Variants in NBEA observed in about 807,000 individuals in gnomAD.
NBEA encodes neurobeachin, also known as lysosomal-trafficking regulator 2.
NBEA carries 44 observed loss-of-function variants against 343.4 expected under a neutral mutation model. That is an observed-to-expected ratio of 0.13 (90% CI 0.10 to 0.16). NBEA has a LOEUF of 0.16. Among genes scored for constraint, NBEA ranks in the 10% least tolerant of loss-of-function variants. The pLI, the probability that NBEA is intolerant of heterozygous loss-of-function variation, is 1.00. For missense variants in NBEA, 2,555 were observed against 3,631.3 expected (o/e 0.70, Z 7.62); for synonymous variants, 1,175 against 1,238.7 (o/e 0.95, Z 1.08).
chr13:35,202,987 C>A (rs117622499), intron 31 of NBEA, among the ~76,000 whole-genome samples: 4,534 of 152,138 alleles, frequency 0.03, 99 homozygotes, highest in Non-Finnish European at 0.045. Context: ...AAATTTGAAT[C>A]ACTTCTCACC....
chr13:35,316,658 G>C (rs1462399232), intron 36 of NBEA, among the ~76,000 whole-genome samples: 2 of 152,032 alleles, frequency 1.3e-5, no homozygotes, highest in African/African-American at 2.4e-5. Flanking sequence ...GGTATTTCTG[G>C]TTCTAGATCC....
intron 1 of NBEA, among the ~76,000 whole-genome samples, chr13:34,992,295 C>T (rs1450141185): frequency 6.8e-6 from 1 of 147,084 alleles, no homozygotes; most frequent in Non-Finnish European, 1.5e-5. Context: ...AGCTCTGTCA[C>T]CCAGGCTGGA....
At chr13:35,252,416 A>G (rs888981694) in intron 34 of NBEA, among the ~76,000 whole-genome samples, 5 of 152,192 alleles carry the variant, frequency 3.3e-5, no homozygotes, top group Admixed American at 1.3e-4. Flanking sequence ...AAGCCTAACC[A>G]TATCAACTCC....
chr13:35,220,453 A>G (rs1234100297), intron 33 of NBEA, among the ~76,000 whole-genome samples: 2 of 152,156 alleles, frequency 1.3e-5, no homozygotes, highest in Non-Finnish European at 2.9e-5. Flanking sequence ...ATCCACCTCG[A>G]TGTTTGAAAG....
intron 45 of NBEA, among the ~76,000 whole-genome samples, chr13:35,578,609 T>C (rs1414189699): frequency 1.3e-5 from 2 of 152,216 alleles, no homozygotes; most frequent in Admixed American, 6.5e-5. Context: ...ATTAGGTTCG[T>C]ATTGAATGCC....
intron 44 of NBEA, among the ~76,000 whole-genome samples, chr13:35,563,590 T>C (rs1044057449): frequency 6.6e-6 from 1 of 151,904 alleles, no homozygotes; most frequent in Non-Finnish European, 1.5e-5. Flanking sequence ...AAATTTTTAT[T>C]AAAAACAAGC....
intron 1 of NBEA, among the ~76,000 whole-genome samples, chr13:35,020,670 A>G (rs1481069400): frequency 6.6e-6 from 1 of 152,130 alleles, no homozygotes; most frequent in East Asian, 1.9e-4. Flanking sequence ...GCTGCGTGCC[A>G]CCACACCCAG....
intron 44 of NBEA, among the ~76,000 whole-genome samples, chr13:35,565,683 A>T (rs28430394): frequency 0.026 from 3,973 of 152,242 alleles, 173 homozygotes; most frequent in African/African-American, 0.09. Flanking sequence ...TTTAATAGCT[A>T]TTCTCTTAAT....
At chr13:35,477,794 G>T (rs1177632176) in intron 41 of NBEA, among the ~76,000 whole-genome samples, 2 of 151,664 alleles carry the variant, frequency 1.3e-5, no homozygotes, top group Non-Finnish European at 2.9e-5. Flanking sequence ...GCAGTTATCT[G>T]GGGGGTTTTT....
intron 47 of NBEA, among the ~76,000 whole-genome samples, chr13:35,601,761 CAAAAAAAAAA>C (rs869213180): frequency 2.6e-5 from 3 of 114,932 alleles, no homozygotes; most frequent in African/African-American, 1.1e-4. Flanking sequence ...GACTCCATCG[CAAAAAAAAAA>C]AAAAAAAAAA....
intron 30 of NBEA, among the ~76,000 whole-genome samples, chr13:35,195,472 C>G (rs1455383027): frequency 6.6e-6 from 1 of 151,406 alleles, no homozygotes; most frequent in Non-Finnish European, 1.5e-5. Context: ...GATTTCAGTT[C>G]ACTGCAACAT....
At chr13:35,365,747 A>G (rs1594365641) in intron 38 of NBEA, among the ~76,000 whole-genome samples, 1 of 151,878 alleles carries the variant, frequency 6.6e-6, no homozygotes, top group Admixed American at 6.6e-5. Flanking sequence ...ATGTAAATAT[A>G]TGTTAAAAAG....
intron 33 of NBEA, among the ~76,000 whole-genome samples, chr13:35,221,533 C>A (rs573880367): frequency 1.3e-5 from 2 of 151,890 alleles, no homozygotes; most frequent in East Asian, 3.9e-4. Flanking sequence ...TATTTCTTTT[C>A]TTGTTATTAT....
intron 43 of NBEA, among the ~76,000 whole-genome samples, chr13:35,551,612 G>A (rs561081317): frequency 3.9e-5 from 6 of 152,200 alleles, no homozygotes; most frequent in Non-Finnish European, 5.9e-5. Context: ...TCAGTTTGTC[G>A]TTTTTGGCTC....
chr13:35,473,259 G>C (rs1256968192), intron 41 of NBEA, among the ~76,000 whole-genome samples: 1 of 152,086 alleles, frequency 6.6e-6, no homozygotes, highest in East Asian at 1.9e-4. Flanking sequence ...TAACTTTCAT[G>C]TTACTGTGCA....
At chr13:34,993,851 C>A (rs2152518624) in intron 1 of NBEA, among the ~76,000 whole-genome samples, 1 of 152,082 alleles carries the variant, frequency 6.6e-6, no homozygotes, top group Middle Eastern at 3.4e-3. Context: ...GATTATGGTT[C>A]TTTTGAAAAG....
In NBEA at chr13:35,118,123, A is replaced by G. The variant is rs995234062; in HGVS notation, c.2083-105A>G. On this transcript the variant is annotated intron_variant, in intron 14 of 58. Transcript: ENST00000379939. The stretch of plus-strand genomic sequence containing the variant: ...GGGATTTTAATTAAAATATCACTAC[A>G]TTAAACTAACTCTTATTTTCTTTTA... 1.3e-5 allele frequency: 9 copies of G among 718,298 alleles called. No homozygotes were observed. In the South Asian group the frequency reaches 2.1e-4, roughly 17 times the overall value. 44.5% of individuals were successfully genotyped at this position (718,298 alleles called of 1,614,324 possible). A position where few individuals can be genotyped will look rare whatever the true frequency, so the allele number is the denominator to read the frequency against.
At chr13:35,109,500 T>A in intron 12 of NBEA, 58 bp downstream of exon 12, 1 of 1,427,438 alleles carries the variant, frequency 7.0e-7, no homozygotes, top group Non-Finnish European at 9.3e-7. Flanking sequence ...TTATAGTTGC[T>A]GGATCTATAG....
At chr13:35,590,510 A>G (rs1417975296) in intron 46 of NBEA, among the ~76,000 whole-genome samples, 1 of 152,086 alleles carries the variant, frequency 6.6e-6, no homozygotes, top group Admixed American at 6.6e-5. Flanking sequence ...TTAATTTCAG[A>G]TTTCTTTTCA....
Sources: gnomAD v4.1 joint callset for allele counts (sites outside exome capture counted in the v4.1 genomes callset) on GRCh38, gnomAD v4.1.1 for gene constraint, MANE v1.5 for transcripts, NCBI Gene and HGNC (gene_info 2026-07-23, HGNC 2026-07-21) for gene names.